Variants in ZAN observed in about 807,000 individuals in gnomAD.
The protein encoded by ZAN is zonadhesin (gene/pseudogene).
ZAN carries 260 observed loss-of-function variants against 286.2 expected under a neutral mutation model. The ratio of observed to expected loss-of-function variants is 0.91; its 90% CI spans 0.82 to 1.01. The LOEUF (loss-of-function observed/expected upper bound fraction) is 1.01, where lower values mean the gene tolerates loss of function less well. Ranked by LOEUF, ZAN falls within the 50% of genes least tolerant of loss-of-function variation. ZAN has a pLI of 0.00. For synonymous variants in ZAN, 1,368 were observed against 1,417.5 expected (o/e 0.97, Z 0.79); for missense variants, 3,410 against 3,639.2 (o/e 0.94, Z 1.62).
chr7:100,792,028 T>G lies in ZAN; in HGVS notation c.7592T>G (p.Val2531Gly). 6.2e-7 allele frequency: 1 copy of G among 1,613,336 alleles called. No homozygotes were observed. The highest frequency in any genetic ancestry group is 8.5e-7 in the Non-Finnish European group (1 of 1,179,804). The change falls in exon 41 of 48, where the codon GTG becomes GGG. Residue 2531 changes from valine to glycine, a missense_variant. Val to Gly is a moderately radical substitution (Grantham distance 109). Transcript: ENST00000613979. ...CTGGGCCTCCGCACGGGCCTCCAAG[T>G]GTCCGAATGTAGCCCGGAGCAGCTG... ...AELGLRTGLQ[V>G]SECSPEQLAS... is the part of the protein sequence containing the mutation.
Position 100,750,716 on chromosome 7 carries a change from C to T in ZAN, c.1341C>T (p.Asp447=). The change falls in exon 12 of 48, where the codon GAC becomes GAT. Residue 447 remains aspartate, a synonymous_variant. Coordinates refer to ENST00000613979, the MANE Select transcript of ZAN (RefSeq NM_003386.3). ...LVSRPFCAPG[D]ICVEFAYHMY... is the part of the protein sequence containing the mutation. Reference sequence around the variant, plus strand: ...GCCGGCCCTTCTGCGCCCCAGGTGACATCTGCGTGGAGTTCGCATACCACA... The same window carrying T: ...GCCGGCCCTTCTGCGCCCCAGGTGATATCTGCGTGGAGTTCGCATACCACA... 1 of 1,613,138 alleles carries T rather than the reference C, an allele frequency of 6.2e-7. No homozygotes were observed.
rs762790622 is a variant in ZAN at position 100,747,616 on chromosome 7, A to G, written c.998A>G (p.Asn333Ser). 1.2e-6 allele frequency: 2 copies of G among 1,613,650 alleles called. No homozygotes were observed. Among genetic ancestry groups the G allele is most frequent in the African/African-American group, 2.7e-5 (2 of 74,884 alleles). The stretch of plus-strand genomic sequence containing the variant: ...CCCAACTGGCAGGCTGTTTCTGTCA[A>G]TTACACAGCCGTGGGACGGATACAG... ...PGPNWQAVSV[N>S]YTAVGRIQFA... The change falls in exon 9 of 48, where the codon AAT becomes AGT. Residue 333 changes from asparagine (N) to serine (S), a missense_variant. Asn to Ser is a conservative substitution (Grantham distance 46). Coordinates refer to ENST00000613979, the MANE Select transcript of ZAN (RefSeq NM_003386.3).
chr7:100,749,687 CAT>C (rs1808503595), intron 11 of ZAN, among the ~76,000 whole-genome samples: 1 of 136,006 alleles, frequency 7.4e-6, no homozygotes, highest in Non-Finnish European at 1.6e-5. Flanking sequence ...CACACACACA[CAT>C]ATATATACAC....
intron 2 of ZAN, among the ~76,000 whole-genome samples, chr7:100,734,523 G>C (rs1439019169): frequency 7.2e-6 from 1 of 139,412 alleles, no homozygotes; most frequent in Non-Finnish European, 1.6e-5. Context: ...GGAGGCTGAG[G>C]CAGGAGAATC....
intron 16 of ZAN, 87 bp downstream of exon 16, chr7:100,758,430 G>T (rs1375660246): frequency 1.9e-6 from 3 of 1,585,274 alleles, no homozygotes; most frequent in East Asian, 2.3e-5. Flanking sequence ...CTTGAGCAGA[G>T]GATTGGGGGC....
chr7:100,794,141 G>A lies in ZAN; in HGVS notation c.8008G>A (p.Glu2670Lys). ...CTAGCTGGGCAGCAGCTTTCTGACTGAGGACTGCTCTCAGCGGTGCACCTG... is the reference window on the plus strand; with the variant it reads ...CTAGCTGGGCAGCAGCTTTCTGACTAAGGACTGCTCTCAGCGGTGCACCTG... ...YYQLGSSFLT[E>K]DCSQRCTCAS... Residue 2670 changes from glutamate (E) to lysine (K), a missense_variant, in exon 44 of 48, where the codon GAG becomes AAG. Coordinates refer to ENST00000613979, the MANE Select transcript of ZAN (RefSeq NM_003386.3). 3 of 1,614,024 alleles carry A rather than the reference G, an allele frequency of 1.9e-6. No individual in the cohort carries two copies. Among genetic ancestry groups the A allele is most frequent in the Non-Finnish European group, 2.5e-6 (3 of 1,179,884 alleles).
In ZAN at chr7:100,792,442, A is replaced by G. The variant is rs375483965; in HGVS notation, c.7750A>G (p.Arg2584Gly). 3.1e-6 allele frequency: 5 copies of G among 1,613,698 alleles called. No homozygotes were observed. Among genetic ancestry groups the G allele is most frequent in the Non-Finnish European group, 4.2e-6 (5 of 1,179,844 alleles). ...GGATCTGTGCTCTGCTCAGGACCCA[A>G]GAGAGCAAGAGGAGCTGCGTTGCCA... ...VLDLCSAQDP[R>G]EQEELRCQVL... Residue 2584 changes from arginine to glycine, a missense_variant, in exon 42 of 48, where the codon AGA (arginine) becomes GGA (glycine). Coordinates refer to ENST00000613979, the MANE Select transcript of ZAN (RefSeq NM_003386.3).
chr7:100,772,559 T>C (rs939909001), intron 29 of ZAN, among the ~76,000 whole-genome samples: 72 of 152,016 alleles, frequency 4.7e-4, no homozygotes, highest in Non-Finnish European at 8.8e-4. Context: ...CGGTGGCTCA[T>C]GCCTGTAATC....
At position 100,750,726 on chromosome 7, in the gene ZAN, GA is replaced by G. The variant is rs1418004355; in HGVS notation, c.1352del (p.Glu451GlyfsTer78). 3 of 1,612,942 alleles carry G rather than the reference GA, an allele frequency of 1.9e-6. No individual in the cohort carries two copies. The highest frequency in any genetic ancestry group is 1.7e-6 in the Non-Finnish European group (2 of 1,179,584). On this transcript the variant is annotated frameshift_variant, in exon 12 of 48. Transcript: ENST00000613979. LOFTEE classifies it high-confidence loss of function. Reference protein sequence around the residue: ...PFCAPGDICVEFAYHMYGLGE... With the variant: ...PFCAPGDICVXFAYHMYGLGE... ...CTGCGCCCCAGGTGACATCTGCGTG[GA>G]GTTCGCATACCACATGTATGGCCTT...
chr7:100,752,495 C>A lies in ZAN; in HGVS notation c.2390C>A (p.Ser797Tyr). 7 of 1,611,998 alleles carry A rather than the reference C, an allele frequency of 4.3e-6. No individual in the cohort carries two copies. Among genetic ancestry groups the A allele is most frequent in the Non-Finnish European group, 5.9e-6 (7 of 1,179,322 alleles). ...PTIPTEKPTI[S>Y]TEEPTTPTEE... The stretch of plus-strand genomic sequence containing the variant: ...ATTCCCACAGAAAAACCCACCATCT[C>A]CACAGAAGAGCCCACCACCCCCACT... Residue 797 changes from serine (S) to tyrosine (Y), a missense_variant, in exon 14 of 48, where the codon TCC becomes TAC. Ser to Tyr is a moderately radical substitution (Grantham distance 144). This residue lies in a region of ZAN where 90 missense variants were observed against 87.1 expected (regional missense o/e 1.03). Transcript: ENST00000613979.
In ZAN at chr7:100,751,273, C is replaced by G. The variant is rs1808643834; in HGVS notation, c.1606+7C>G. On this transcript the variant is annotated splice_region_variant and intron_variant, in intron 13 of 47. Coordinates refer to ENST00000613979, the MANE Select transcript of ZAN (RefSeq NM_003386.3). The stretch of plus-strand genomic sequence containing the variant: ...AATCCTGGGACTTGTCCAGGTAAGA[C>G]CAAAGCCCAGGCTCCAGGAAGGGGG... The G allele has an allele frequency of 6.4e-7, 1 of 1,567,876 alleles. No individual in the cohort carries two copies.
intron 41 of ZAN, 30 bp from the exon 42 acceptor site, chr7:100,792,375 T>C: frequency 6.3e-7 from 1 of 1,579,172 alleles, no homozygotes; most frequent in Non-Finnish European, 8.6e-7. Flanking sequence ...CCAAACTGAC[T>C]GTGCCCTTCC....
At chr7:100,773,522 C>T (rs183888003) in intron 30 of ZAN, 29 bp downstream of exon 30, 1 of 1,607,746 alleles carries the variant, frequency 6.2e-7, no homozygotes, top group East Asian at 2.2e-5. Context: ...GGGGCCCCGC[C>T]CTTTCCAGGC....
At chr7:100,735,879 G>A (rs1807259443) in intron 3 of ZAN, 107 bp downstream of exon 3, 5 of 895,766 alleles carry the variant, frequency 5.6e-6, no homozygotes. Context: ...GCCACCTCCA[G>A]TCCCCTCCGG....
In ZAN at chr7:100,763,357, A is replaced by G; in HGVS notation, c.3987-449A>G. The stretch of plus-strand genomic sequence containing the variant: ...CAAGTTGTTCTTTCAGTTGCTCAAT[A>G]TTCTTTTTTGTTTGTTTGTTTGTTT... On this transcript the variant is annotated intron_variant, in intron 20 of 47. Transcript: ENST00000613979. This position sits in a 1 kb window ranked among gnomAD's most constrained non-coding sequence, Gnocchi z 4.6. 6.6e-6 allele frequency among the ~76,000 whole-genome samples: 1 copy of G among 151,458 alleles called. No homozygotes were observed. Among genetic ancestry groups the G allele is most frequent in the Admixed American group, 6.6e-5 (1 of 15,174 alleles).
Position 100,746,316 on chromosome 7 carries a change from C to T in ZAN, c.767-222C>T, listed in dbSNP as rs148360550. 8.7e-4 allele frequency among the ~76,000 whole-genome samples: 132 copies of T among 152,246 alleles called. 4 individuals carry two copies. The East Asian group carries it at 0.021, about 25-fold the overall frequency. ...TAGTTGCTGCTTTGGAGAAGGTGTC[C>T]GCCGCTTCCCATGGCAGCGCCGGGT... On this transcript the variant is annotated intron_variant, in intron 7 of 47. Coordinates refer to ENST00000613979, the MANE Select transcript of ZAN (RefSeq NM_003386.3).
intron 9 of ZAN, among the ~76,000 whole-genome samples, 173 bp downstream of exon 9, chr7:100,747,814 G>T (rs1808336134): frequency 6.6e-6 from 1 of 151,674 alleles, no homozygotes; most frequent in South Asian, 2.1e-4. Context: ...AACATAGAAA[G>T]ACCCCATCTC....
chr7:100,789,639 C>T (rs951825857), intron 39 of ZAN, among the ~76,000 whole-genome samples: 21 of 150,710 alleles, frequency 1.4e-4, no homozygotes, highest in Non-Finnish European at 3.0e-4. Flanking sequence ...GTGAGACCCC[C>T]GTCTCTACAA....
chr7:100,784,753 G>T lies in ZAN; in HGVS notation c.6753G>T (p.Gln2251His). The T allele has an allele frequency of 1.2e-6, 2 of 1,613,936 alleles. No homozygotes were observed. Residue 2251 changes from glutamine (Q) to histidine (H), a missense_variant, in exon 36 of 48, where the codon CAG (glutamine) becomes CAT (histidine). Physicochemically the swap from Gln to His is conservative, Grantham distance 24. Transcript: ENST00000613979. ...PSACAEGCIC[Q>H]PGYVLSEDKC... ...CCTGCGCTGAGGGCTGCATTTGTCA[G>T]CCCGGCTATGTGCTGAGTGAAGACA...
Sources: gnomAD v4.1 joint callset for allele counts (sites outside exome capture counted in the v4.1 genomes callset) on GRCh38, gnomAD v4.1.1 for gene constraint, gnomAD v4.1.1 regional missense constraint, Gnocchi (gnomAD v3.1) non-coding constraint, MANE v1.5 for transcripts, NCBI Gene and HGNC (gene_info 2026-07-23, HGNC 2026-07-21) for gene names.